The following PAM variants were observed in gnomAD, a reference collection of about 807,000 sequenced individuals.
The protein encoded by PAM is peptidyl-glycine alpha-amidating monooxygenase.
In PAM, 72 loss-of-function variants were observed where a neutral mutation model predicts 122.1. That is an observed-to-expected ratio of 0.59 (90% CI 0.49 to 0.72). The LOEUF (loss-of-function observed/expected upper bound fraction) is 0.72. Ranked by LOEUF, PAM falls within the 30% of genes least tolerant of loss-of-function variation. PAM has a pLI of 0.00. For synonymous variants in PAM, 389 were observed against 404.4 expected (o/e 0.96, Z 0.46); for missense variants, 1,106 against 1,183.7 (o/e 0.93, Z 0.96).
At chr5:102,858,485 A>G (rs1197320686) in intron 1 of PAM, among the ~76,000 whole-genome samples, 2 of 152,216 alleles carry the variant, frequency 1.3e-5, no homozygotes, top group African/African-American at 2.4e-5. Flanking sequence ...CAAAATGTTG[A>G]TAGTGCTGAA....
At chr5:102,849,283 G>A (rs797021573) in intron 1 of PAM, among the ~76,000 whole-genome samples, 6 of 152,202 alleles carry the variant, frequency 3.9e-5, no homozygotes, top group African/African-American at 1.2e-4. Context: ...GTGGCCGGAC[G>A]CGGTGCCTCA....
intron 1 of PAM, among the ~76,000 whole-genome samples, chr5:102,823,535 C>T (rs1203007536): frequency 6.6e-6 from 1 of 152,182 alleles, no homozygotes; most frequent in Non-Finnish European, 1.5e-5. Context: ...GACTTTCCTA[C>T]ATCTGTGACT....
chr5:102,762,668 A>G (rs867579761), intron 1 of PAM, among the ~76,000 whole-genome samples: 2 of 152,204 alleles, frequency 1.3e-5, no homozygotes, highest in South Asian at 4.1e-4. Flanking sequence ...TAAAGCGGTA[A>G]CAATGAGGGT....
chr5:102,816,408 C>T (rs1383164609), intron 1 of PAM, among the ~76,000 whole-genome samples: 2 of 152,040 alleles, frequency 1.3e-5, no homozygotes, highest in African/African-American at 4.8e-5. Context: ...TACAAATGCC[C>T]CTATTTCTTT....
At chr5:102,762,933 A>T (rs1188052885) in intron 1 of PAM, among the ~76,000 whole-genome samples, 1 of 152,242 alleles carries the variant, frequency 6.6e-6, no homozygotes, top group African/African-American at 2.4e-5. Context: ...ATAATAGAAA[A>T]TGCCAAGGAG....
intron 7 of PAM, among the ~76,000 whole-genome samples, chr5:102,928,617 G>C (rs1477202155): frequency 6.6e-6 from 1 of 152,024 alleles, no homozygotes; most frequent in Non-Finnish European, 1.5e-5. Flanking sequence ...GCTTTATTTA[G>C]AGTAGTAAGT....
At chr5:102,878,854 TTAA>T (rs1206571245) in intron 3 of PAM, among the ~76,000 whole-genome samples, 1 of 152,172 alleles carries the variant, frequency 6.6e-6, no homozygotes, top group Non-Finnish European at 1.5e-5. Flanking sequence ...AGTTTAAAAA[TTAA>T]TAAGTTTATA....
At chr5:102,843,006 A>G (rs780143798) in intron 1 of PAM, among the ~76,000 whole-genome samples, 3 of 152,214 alleles carry the variant, frequency 2.0e-5, no homozygotes, top group Non-Finnish European at 4.4e-5. Flanking sequence ...AGGTCCTAAC[A>G]TGGCTCTAAG....
intron 3 of PAM, among the ~76,000 whole-genome samples, chr5:102,873,014 A>G (rs1445151144): frequency 1.3e-5 from 2 of 152,060 alleles, no homozygotes; most frequent in Non-Finnish European, 2.9e-5. Context: ...CCAAACCCCC[A>G]TGACATACAA....
chr5:102,996,537 G>A lies in PAM; in HGVS notation c.1613+6136G>A, dbSNP rs80209801. 6.3e-3 allele frequency among the ~76,000 whole-genome samples: 954 copies of A among 152,192 alleles called. 6 individuals carry two copies. Among genetic ancestry groups the A allele is most frequent in the African/African-American group, 0.022 (913 of 41,518 alleles). On this transcript the variant is annotated intron_variant, in intron 16 of 25. Transcript: ENST00000438793. Reference sequence around the variant, plus strand: ...GCAAGTTTAACATGTGTGTTTGGAGGGGGACTGTGATTTTCTCATTTGAGA... The same window carrying A: ...GCAAGTTTAACATGTGTGTTTGGAGAGGGACTGTGATTTTCTCATTTGAGA...
At chr5:102,988,693 AAGAAAG>A (rs1423642707) in intron 15 of PAM, among the ~76,000 whole-genome samples, 13 of 149,042 alleles carry the variant, frequency 8.7e-5, no homozygotes, top group South Asian at 4.2e-4. Flanking sequence ...GAAAGAAGGA[AAGAAAG>A]AGAAAGAGAA....
intron 1 of PAM, among the ~76,000 whole-genome samples, chr5:102,771,312 A>G (rs954235360): frequency 1.3e-5 from 2 of 152,098 alleles, no homozygotes; most frequent in Non-Finnish European, 2.9e-5. Context: ...TAAACATTCT[A>G]TAGTTCTGTT....
intron 1 of PAM, among the ~76,000 whole-genome samples, chr5:102,801,665 C>A (rs1335662871): frequency 6.6e-6 from 1 of 152,110 alleles, no homozygotes. Flanking sequence ...CATCCTTAAC[C>A]CCTCTTATGC....
intron 3 of PAM, among the ~76,000 whole-genome samples, chr5:102,872,239 T>C (rs964045143): frequency 4.6e-5 from 7 of 152,190 alleles, no homozygotes; most frequent in Non-Finnish European, 8.8e-5. Context: ...TAAGCACATA[T>C]ATCTATTGCC....
chr5:102,977,035 G>A (rs1351737536), intron 15 of PAM, among the ~76,000 whole-genome samples: 1 of 152,138 alleles, frequency 6.6e-6, no homozygotes, highest in Non-Finnish European at 1.5e-5. Context: ...ATACAATGGT[G>A]TTTTCTGCAG....
chr5:102,757,761 C>A (rs1436645802), intron 1 of PAM, among the ~76,000 whole-genome samples: 1 of 152,112 alleles, frequency 6.6e-6, no homozygotes, highest in African/African-American at 2.4e-5. Context: ...CTTGGTGAGA[C>A]TGAGTGTGGT....
intron 7 of PAM, among the ~76,000 whole-genome samples, chr5:102,931,917 A>G (rs1351959436): frequency 6.6e-6 from 1 of 152,124 alleles, no homozygotes; most frequent in African/African-American, 2.4e-5. Flanking sequence ...TCCTGGAAGT[A>G]TAGCCAAAAG....
intron 3 of PAM, among the ~76,000 whole-genome samples, chr5:102,868,308 T>A (rs911632015): frequency 6.6e-6 from 1 of 152,212 alleles, no homozygotes; most frequent in Admixed American, 6.5e-5. Flanking sequence ...GTATTCTACT[T>A]ATTAGGCAGA....
In PAM at chr5:102,880,792, AAG is replaced by A. The variant is rs200834329; in HGVS notation, c.210+13401_210+13402del. ...GAAGATAAATATTAAAATCAATAAA[AAG>A]AAATGAAGTGATACAAGCTAAAAAT... On this transcript the variant is annotated intron_variant, in intron 3 of 25. Transcript: ENST00000438793. Among the ~76,000 whole-genome samples, 866 of 150,250 alleles carry A rather than the reference AAG, an allele frequency of 5.8e-3. 5 individuals are homozygous for A. Among genetic ancestry groups the A allele is most frequent in the African/African-American group, 0.02 (818 of 41,400 alleles).
Sources: allele counts gnomAD v4.1 joint callset (sites outside exome capture counted in the v4.1 genomes callset), GRCh38; gene constraint gnomAD v4.1.1; transcripts MANE v1.5; gene names NCBI Gene and HGNC (gene_info 2026-07-23, HGNC 2026-07-21).